Variants in MACROD2 observed in about 807,000 individuals in gnomAD.
MACROD2 encodes ADP-ribose glycohydrolase MACROD2.
MACROD2 carries 36 observed loss-of-function variants against 70.4 expected under a neutral mutation model. The observed-to-expected ratio is 0.51, with a 90% CI of 0.39 to 0.68. MACROD2 has a LOEUF of 0.68. MACROD2 is among the 30% of genes least tolerant of loss of function. MACROD2 has a pLI of 0.00. For synonymous variants in MACROD2, 172 were observed against 178.8 expected, an observed-to-expected ratio of 0.96 and a Z score of 0.30; for missense variants, 496 against 538.4, an observed-to-expected ratio of 0.92 and a Z score of 0.78.
At chr20:14,197,593 C>T (rs1359900128) in intron 3 of MACROD2, among the ~76,000 whole-genome samples, 1 of 151,966 alleles carries the variant, frequency 6.6e-6, no homozygotes, top group South Asian at 2.1e-4. Flanking sequence ...CATGGTGAAA[C>T]CCTGTCTCTA....
At chr20:14,409,204 G>A (rs1600210916) in intron 3 of MACROD2, among the ~76,000 whole-genome samples, 1 of 142,884 alleles carries the variant, frequency 7.0e-6, no homozygotes, top group Non-Finnish European at 1.5e-5. Context: ...GTAAGTGATA[G>A]GTCCTCAGTA....
At chr20:15,701,550 C>G (rs6034266) in intron 8 of MACROD2, among the ~76,000 whole-genome samples, 1 of 152,030 alleles carries the variant, frequency 6.6e-6, no homozygotes, top group Non-Finnish European at 1.5e-5. Flanking sequence ...CTAAACTATT[C>G]TTTTCCTCTC....
intron 5 of MACROD2, among the ~76,000 whole-genome samples, chr20:15,155,599 A>G (rs1271352846): frequency 6.6e-6 from 1 of 152,086 alleles, no homozygotes; most frequent in Non-Finnish European, 1.5e-5. Context: ...TTGAGATTCC[A>G]TTGTGCTGGA....
intron 4 of MACROD2, among the ~76,000 whole-genome samples, chr20:14,570,553 AT>A (rs1040286841): frequency 7.2e-5 from 11 of 151,766 alleles, no homozygotes; most frequent in African/African-American, 1.7e-4. Context: ...TAAAAGTGTC[AT>A]TTTTTTTTCC....
intron 4 of MACROD2, among the ~76,000 whole-genome samples, chr20:14,588,353 C>G (rs1320675962): frequency 6.6e-6 from 1 of 152,092 alleles, no homozygotes; most frequent in Non-Finnish European, 1.5e-5. Context: ...TTATCTTGTT[C>G]TAATGACATC....
intron 8 of MACROD2, among the ~76,000 whole-genome samples, chr20:15,856,434 C>T (rs2147154797): frequency 6.6e-6 from 1 of 152,252 alleles, no homozygotes; most frequent in Non-Finnish European, 1.5e-5. Context: ...CTTTGCAAAA[C>T]CATCTAGGTT....
chr20:14,364,345 C>T (rs1478113942), intron 3 of MACROD2, among the ~76,000 whole-genome samples: 2 of 152,182 alleles, frequency 1.3e-5, no homozygotes, highest in Non-Finnish European at 2.9e-5. Flanking sequence ...CAGTGAGCTG[C>T]AGTCATCGTA....
At chr20:15,160,767 C>A (rs1047200250) in intron 5 of MACROD2, among the ~76,000 whole-genome samples, 23 of 152,018 alleles carry the variant, frequency 1.5e-4, no homozygotes, top group African/African-American at 5.1e-4. Context: ...AAATTGGGTC[C>A]ATTTTTTTCT....
chr20:15,583,646 G>T (rs1600629304), intron 8 of MACROD2, among the ~76,000 whole-genome samples: 1 of 149,384 alleles, frequency 6.7e-6, no homozygotes, highest in African/African-American at 2.5e-5. Context: ...TTTTGTTTTT[G>T]TTTTTTTTTC....
chr20:14,224,243 C>T (rs1393454771), intron 3 of MACROD2, among the ~76,000 whole-genome samples: 6 of 152,174 alleles, frequency 3.9e-5, no homozygotes, highest in Non-Finnish European at 8.8e-5. Flanking sequence ...CCTTGTACCC[C>T]ATAGCAGATT....
intron 15 of MACROD2, among the ~76,000 whole-genome samples, chr20:16,031,870 G>C (rs1196101461): frequency 6.6e-6 from 1 of 152,126 alleles, no homozygotes; most frequent in Non-Finnish European, 1.5e-5. Context: ...ACTGAGATGA[G>C]AGAGGGTATG....
intron 15 of MACROD2, among the ~76,000 whole-genome samples, chr20:16,037,693 A>G (rs1442884285): frequency 6.6e-6 from 1 of 151,946 alleles, no homozygotes; most frequent in Non-Finnish European, 1.5e-5. Context: ...ATGACCAGCC[A>G]CAATATCCTC....
intron 5 of MACROD2, among the ~76,000 whole-genome samples, chr20:14,768,169 G>A (rs544065469): frequency 6.6e-6 from 1 of 152,056 alleles, no homozygotes; most frequent in Non-Finnish European, 1.5e-5. Flanking sequence ...TGGGATGGCT[G>A]GGTCAAATGG....
At chr20:15,818,577 A>G (rs1490053838) in intron 8 of MACROD2, among the ~76,000 whole-genome samples, 4 of 152,152 alleles carry the variant, frequency 2.6e-5, no homozygotes, top group Non-Finnish European at 5.9e-5. Flanking sequence ...AACCTGTTTT[A>G]TCAGCAAGAT....
intron 10 of MACROD2, among the ~76,000 whole-genome samples, chr20:15,891,819 C>T (rs1002402196): frequency 6.6e-6 from 1 of 151,914 alleles, no homozygotes; most frequent in Non-Finnish European, 1.5e-5. Context: ...ATTTGAAATG[C>T]CTGATGAGGT....
At chr20:14,469,516 G>A (rs560981831) in intron 3 of MACROD2, among the ~76,000 whole-genome samples, 6 of 152,202 alleles carry the variant, frequency 3.9e-5, no homozygotes, top group African/African-American at 1.4e-4. Context: ...ATCCTGAGGA[G>A]TGTTTTCCAA....
At chr20:14,901,692 G>A (rs1439254719) in intron 5 of MACROD2, among the ~76,000 whole-genome samples, 6 of 152,006 alleles carry the variant, frequency 3.9e-5, no homozygotes, top group East Asian at 1.9e-4. Flanking sequence ...TGCCAAAATC[G>A]GCATCATAAT....
At chr20:15,230,164 A>C (rs2076947355) in intron 6 of MACROD2, 103 bp downstream of exon 6, 1 of 1,169,828 alleles carries the variant, frequency 8.5e-7, no homozygotes, top group Non-Finnish European at 1.2e-6. Flanking sequence ...CAAACTTTTG[A>C]GAACTAAGTT....
At chr20:15,477,259 G>A (rs147784264) in intron 7 of MACROD2, among the ~76,000 whole-genome samples, 4 of 151,786 alleles carry the variant, frequency 2.6e-5, no homozygotes, top group Non-Finnish European at 5.9e-5. Context: ...CACCACCATA[G>A]CAGGCAAACT....
Sources: gnomAD v4.1 joint callset for allele counts (sites outside exome capture counted in the v4.1 genomes callset) on GRCh38, gnomAD v4.1.1 for gene constraint, MANE v1.5 for transcripts, NCBI Gene and HGNC (gene_info 2026-07-23, HGNC 2026-07-21) for gene names.